NRG3: variants seen among roughly 807,000 people sequenced by gnomAD.
The protein encoded by NRG3 is pro-neuregulin-3, membrane-bound isoform.
Under a neutral mutation model 66.9 loss-of-function variants are expected in NRG3, and 31 were observed. That is an observed-to-expected ratio of 0.46 (90% CI 0.35 to 0.63). The LOEUF is 0.63. NRG3 is among the 20% of genes least tolerant of loss of function. The probability of loss-of-function intolerance (pLI) is 0.00; values close to 1 mark genes in which losing one functional copy is unlikely to be tolerated. For missense variants in NRG3, 910 were observed against 878.9 expected (o/e 1.04, Z -0.45); for synonymous variants, 393 against 359.4 (o/e 1.09, Z -1.06).
intron 1 of NRG3, among the ~76,000 whole-genome samples, chr10:82,152,281 A>G (rs1590320232): frequency 6.6e-6 from 1 of 152,202 alleles, no homozygotes; most frequent in East Asian, 1.9e-4. Context: ...GACATACTGG[A>G]AACAGCTTCT....
chr10:82,123,351 A>G (rs2068217121), intron 1 of NRG3, among the ~76,000 whole-genome samples: 1 of 152,184 alleles, frequency 6.6e-6, no homozygotes, highest in Non-Finnish European at 1.5e-5. Flanking sequence ...CGTTTAATAC[A>G]TTCAGTGTTC....
chr10:81,892,441 A>C (rs1470610783), intron 1 of NRG3, among the ~76,000 whole-genome samples: 1 of 152,134 alleles, frequency 6.6e-6, no homozygotes, highest in Non-Finnish European at 1.5e-5. Context: ...CCTTAAGTAA[A>C]TGGAACTCTT....
At chr10:81,975,874 G>T (rs1301861973) in intron 1 of NRG3, among the ~76,000 whole-genome samples, 1 of 152,148 alleles carries the variant, frequency 6.6e-6, no homozygotes, top group Admixed American at 6.5e-5. Flanking sequence ...TGAGGAAGAA[G>T]AAAACAGATG....
chr10:82,198,697 G>A (rs953558055), intron 1 of NRG3, among the ~76,000 whole-genome samples: 2 of 151,932 alleles, frequency 1.3e-5, no homozygotes, highest in Non-Finnish European at 2.9e-5. Context: ...TCTAACTAAC[G>A]TACTGAAAAT....
intron 2 of NRG3, among the ~76,000 whole-genome samples, chr10:82,633,421 A>G (rs1303644518): frequency 6.6e-6 from 1 of 152,220 alleles, no homozygotes; most frequent in Non-Finnish European, 1.5e-5. Context: ...CACAGTCACA[A>G]ATCAATAGAT....
At chr10:81,908,686 C>T (rs964776733) in intron 1 of NRG3, among the ~76,000 whole-genome samples, 6 of 152,046 alleles carry the variant, frequency 3.9e-5, no homozygotes, top group African/African-American at 1.2e-4. Flanking sequence ...ACCTCAGTCT[C>T]GAAATAGAAG....
At chr10:82,367,868 G>T (rs1242961956) in intron 2 of NRG3, among the ~76,000 whole-genome samples, 1 of 152,076 alleles carries the variant, frequency 6.6e-6, no homozygotes, top group Non-Finnish European at 1.5e-5. Context: ...GGTGATGCAT[G>T]CCTGTAATCT....
At chr10:82,563,179 T>A (rs1265294293) in intron 2 of NRG3, among the ~76,000 whole-genome samples, 1 of 152,162 alleles carries the variant, frequency 6.6e-6, no homozygotes, top group African/African-American at 2.4e-5. Flanking sequence ...AGATTATGAA[T>A]GAGAAACAAT....
chr10:82,251,753 CG>C (rs1564712288), intron 1 of NRG3, among the ~76,000 whole-genome samples: 1 of 152,134 alleles, frequency 6.6e-6, no homozygotes, highest in Non-Finnish European at 1.5e-5. Flanking sequence ...ATGTGGTCAC[CG>C]GGGTTAATGA....
chr10:82,935,932 A>C (rs1848026747), intron 4 of NRG3, among the ~76,000 whole-genome samples: 1 of 152,200 alleles, frequency 6.6e-6, no homozygotes, highest in African/African-American at 2.4e-5. Flanking sequence ...ATTTACATAA[A>C]GATCAAAAAT....
chr10:82,234,848 G>A (rs2076677569), intron 1 of NRG3, among the ~76,000 whole-genome samples: 1 of 152,246 alleles, frequency 6.6e-6, no homozygotes, highest in African/African-American at 2.4e-5. Context: ...TGCCATGGTT[G>A]TGACCATGCT....
chr10:82,689,606 T>C (rs1278611434), intron 2 of NRG3, among the ~76,000 whole-genome samples: 4 of 152,216 alleles, frequency 2.6e-5, no homozygotes, highest in Non-Finnish European at 4.4e-5. Flanking sequence ...ACAATGTTTA[T>C]GTTTAAAATT....
At chr10:82,958,798 G>A (rs1398436917) in intron 5 of NRG3, 151 bp from the exon 6 acceptor site, 3 of 829,918 alleles carry the variant, frequency 3.6e-6, no homozygotes, top group Non-Finnish European at 5.3e-6. Flanking sequence ...TTTCTGGTGG[G>A]GTTGGAAATG....
chr10:82,420,685 A>G (rs1038728206), intron 2 of NRG3, among the ~76,000 whole-genome samples: 4 of 152,154 alleles, frequency 2.6e-5, no homozygotes, highest in African/African-American at 9.7e-5. Flanking sequence ...ATTATCCTAA[A>G]GAAATAAAAT....
intron 5 of NRG3, among the ~76,000 whole-genome samples, chr10:82,952,180 C>A (rs1849578617): frequency 6.6e-6 from 1 of 152,070 alleles, no homozygotes; most frequent in Non-Finnish European, 1.5e-5. Context: ...AGCCTGTAAT[C>A]CCAGCACGTT....
chr10:82,962,804 A>T (rs1425276595), intron 6 of NRG3, among the ~76,000 whole-genome samples: 1 of 152,124 alleles, frequency 6.6e-6, no homozygotes, highest in Non-Finnish European at 1.5e-5. Flanking sequence ...ATGCCACTGC[A>T]CTCCAGCCTG....
chr10:82,778,549 C>A (rs750463110), intron 3 of NRG3, among the ~76,000 whole-genome samples: 3 of 152,114 alleles, frequency 2.0e-5, no homozygotes, highest in African/African-American at 4.8e-5. Context: ...ATGGGGGAAC[C>A]GCCCCTACGA....
At chr10:82,379,555 G>T in intron 2 of NRG3, among the ~76,000 whole-genome samples, 1 of 152,024 alleles carries the variant, frequency 6.6e-6, no homozygotes, top group East Asian at 1.9e-4. Context: ...TAAATGAATT[G>T]ATATATGCGG....
At chr10:81,937,728 G>A (rs1848012880) in intron 1 of NRG3, among the ~76,000 whole-genome samples, 1 of 151,922 alleles carries the variant, frequency 6.6e-6, no homozygotes, top group South Asian at 2.1e-4. Flanking sequence ...CTGCTTTCCT[G>A]TGCAGAAGTT....
Sources: gnomAD v4.1 joint callset for allele counts (sites outside exome capture counted in the v4.1 genomes callset) on GRCh38, gnomAD v4.1.1 for gene constraint, MANE v1.5 for transcripts, NCBI Gene and HGNC (gene_info 2026-07-23, HGNC 2026-07-21) for gene names.